Variants in PDE3A observed in about 807,000 individuals in gnomAD.
PDE3A encodes the protein phosphodiesterase 3A.
A neutral mutation model predicts 98.3 loss-of-function variants in PDE3A; 43 were observed. That is an observed-to-expected ratio of 0.44 (90% confidence interval 0.34 to 0.56). The LOEUF (loss-of-function observed/expected upper bound fraction) is 0.56, where lower values mean the gene tolerates loss of function less well. Among genes scored for constraint, PDE3A ranks in the 20% least tolerant of loss-of-function variants. The probability of loss-of-function intolerance (pLI) is 0.01; values close to 1 mark genes in which losing one functional copy is unlikely to be tolerated. For synonymous variants in PDE3A, 663 were observed against 567.9 expected (o/e 1.17, Z -2.38); for missense variants, 1,427 against 1,440.7 (o/e 0.99, Z 0.15).
chr12:20,568,976 T>C (rs1009634544), intron 2 of PDE3A, among the ~76,000 whole-genome samples: 15 of 152,142 alleles, frequency 9.9e-5, no homozygotes, highest in Admixed American at 7.2e-4. Context: ...GTAATAACTA[T>C]TTTAATACCA....
intron 2 of PDE3A, among the ~76,000 whole-genome samples, chr12:20,605,444 T>A (rs1425199158): frequency 2.0e-5 from 3 of 152,316 alleles, no homozygotes; most frequent in East Asian, 1.9e-4. Flanking sequence ...AATCTTTTTT[T>A]AAATGTAAAA....
At position 20,538,242 on chromosome 12, in the gene PDE3A, AT is replaced by A. The variant is rs376842955; in HGVS notation, c.961-18413del. 2.6e-4 allele frequency among the ~76,000 whole-genome samples: 39 copies of A among 152,176 alleles called. 1 individual carries two copies. In the South Asian group the frequency reaches 7.9e-3, roughly 31 times the overall value. On this transcript the variant is annotated intron_variant, in intron 1 of 15. Transcript: ENST00000359062. Reference sequence around the variant, plus strand: ...TGCTCAAATAGAGCTTAATGGTGACATTTTTATGGCTTCAGGATGTTGGGGT... The same window carrying A: ...TGCTCAAATAGAGCTTAATGGTGACATTTTATGGCTTCAGGATGTTGGGGT...
At chr12:20,394,612 A>G (rs939589404) in intron 1 of PDE3A, among the ~76,000 whole-genome samples, 1 of 152,124 alleles carries the variant, frequency 6.6e-6, no homozygotes, top group African/African-American at 2.4e-5. Flanking sequence ...CAGATGCTAC[A>G]TATTCTTCTC....
At chr12:20,515,168 C>T (rs184598041) in intron 1 of PDE3A, among the ~76,000 whole-genome samples, 16 of 152,270 alleles carry the variant, frequency 1.1e-4, no homozygotes, top group African/African-American at 2.6e-4. Flanking sequence ...TAAATTTCAA[C>T]GTAAGTTTGA....
chr12:20,455,944 A>G (rs936225660), intron 1 of PDE3A, among the ~76,000 whole-genome samples: 1 of 152,180 alleles, frequency 6.6e-6, no homozygotes, highest in Non-Finnish European at 1.5e-5. Flanking sequence ...ATTCCTATCA[A>G]TGTAACATAC....
At chr12:20,426,431 C>T (rs752804117) in intron 1 of PDE3A, among the ~76,000 whole-genome samples, 1 of 152,048 alleles carries the variant, frequency 6.6e-6, no homozygotes, top group Non-Finnish European at 1.5e-5. Context: ...TAAGAGTGTC[C>T]ACATCATGGG....
intron 1 of PDE3A, among the ~76,000 whole-genome samples, chr12:20,393,310 CAGAG>C (rs1241925723): frequency 1.3e-5 from 2 of 151,854 alleles, no homozygotes; most frequent in Non-Finnish European, 2.9e-5. Context: ...CAAGCAAAGA[CAGAG>C]AGCCAAGAGA....
At position 20,369,665 on chromosome 12, in the gene PDE3A, C is replaced by A. The variant is rs369350891; in HGVS notation, c.381C>A (p.Ser127Arg). The change falls in exon 1 of 16, where the codon AGC (serine) becomes AGA (arginine). Residue 127 changes from serine (S) to arginine (R), a missense_variant. Ser to Arg is a moderately radical substitution (Grantham distance 110, BLOSUM62 -1). Transcript: ENST00000359062. ...GGAPGGGARLSPWLQPSALLF... is the reference protein window; with the variant it reads ...GGAPGGGARLRPWLQPSALLF... The stretch of plus-strand genomic sequence containing the variant: ...CTCCCGGGGGCGGTGCGCGGCTCAG[C>A]CCCTGGCTGCAGCCCTCGGCGCTGC... The A allele has an allele frequency of 1.2e-6, 2 of 1,606,252 alleles. No individual in the cohort carries two copies. The highest frequency in any genetic ancestry group is 2.2e-5 in the East Asian group (1 of 44,598).
At chr12:20,635,393 AC>A (rs1293539305) in intron 8 of PDE3A, among the ~76,000 whole-genome samples, 2 of 152,058 alleles carry the variant, frequency 1.3e-5, no homozygotes, top group Non-Finnish European at 2.9e-5. Context: ...ACATGGTGAA[AC>A]CCCGTCTCTA....
At chr12:20,517,311 G>T (rs1016696350) in intron 1 of PDE3A, among the ~76,000 whole-genome samples, 1 of 152,146 alleles carries the variant, frequency 6.6e-6, no homozygotes, top group African/African-American at 2.4e-5. Context: ...ACATAGCCCT[G>T]GTTCTTGACC....
intron 2 of PDE3A, among the ~76,000 whole-genome samples, chr12:20,571,430 G>A (rs1013328956): frequency 2.0e-5 from 3 of 152,038 alleles, no homozygotes; most frequent in Non-Finnish European, 4.4e-5. Flanking sequence ...GACCCCCCTG[G>A]AGTTGTGCAG....
intron 1 of PDE3A, among the ~76,000 whole-genome samples, chr12:20,442,715 G>C (rs570942000): frequency 1.3e-5 from 2 of 152,340 alleles, no homozygotes; most frequent in Admixed American, 1.3e-4. Flanking sequence ...AAATGTAGCA[G>C]TTTGGAAGTG....
intron 1 of PDE3A, among the ~76,000 whole-genome samples, chr12:20,544,485 GA>G (rs146431531): frequency 0.033 from 5,040 of 151,872 alleles, 281 homozygotes; most frequent in African/African-American, 0.12. Flanking sequence ...GGATTCTGGA[GA>G]AATAAACCCA....
chr12:20,609,367 G>T (rs1325787025), intron 2 of PDE3A, among the ~76,000 whole-genome samples: 1 of 151,920 alleles, frequency 6.6e-6, no homozygotes. Context: ...GGAGGTAAAA[G>T]ATTTGTACAT....
Position 20,687,928 on chromosome 12 carries a change from A to AAAG in PDE3A, c.*7659_*7660insGAA, listed in dbSNP as rs1265862938. Reference sequence around the variant, plus strand: ...TCTTCCCAACAGAAAAAAAAAAAAAAAAAAAAAAACTGGCATTGGCAAGTT... The same window carrying AAAG: ...TCTTCCCAACAGAAAAAAAAAAAAAAAAGAAAAAAAAACTGGCATTGGCAAGTT... On this transcript the variant is annotated 3_prime_UTR_variant, in exon 16 of 16. Transcript: ENST00000359062. 6.6e-6 allele frequency among the ~76,000 whole-genome samples: 1 copy of AAAG among 150,738 alleles called. No homozygotes were observed. Among genetic ancestry groups the AAAG allele is most frequent in the East Asian group, 1.9e-4 (1 of 5,162 alleles).
chr12:20,383,475 A>T (rs576560844), intron 1 of PDE3A, among the ~76,000 whole-genome samples: 44 of 152,056 alleles, frequency 2.9e-4, no homozygotes, highest in African/African-American at 9.9e-4. Flanking sequence ...ACATAAAAAT[A>T]TTCCTCAGGA....
chr12:20,422,085 G>A (rs60323098), intron 1 of PDE3A, among the ~76,000 whole-genome samples: 2,492 of 152,256 alleles, frequency 0.016, 64 homozygotes, highest in African/African-American at 0.055. Flanking sequence ...AATGGCTCAC[G>A]CCTGTAATCC....
chr12:20,673,471 C>A (rs1223798645), intron 15 of PDE3A, among the ~76,000 whole-genome samples: 6 of 139,236 alleles, frequency 4.3e-5, no homozygotes, highest in African/African-American at 1.6e-4. Flanking sequence ...CAATGATAGA[C>A]TGGATTAAGA....
intron 10 of PDE3A, among the ~76,000 whole-genome samples, chr12:20,643,886 G>A (rs964039125): frequency 2.0e-5 from 3 of 151,944 alleles, no homozygotes; most frequent in African/African-American, 7.3e-5. Flanking sequence ...CTTGGGGTGG[G>A]GGACAGGGTG....
Sources: gnomAD v4.1 joint callset for allele counts (sites outside exome capture counted in the v4.1 genomes callset) on GRCh38, gnomAD v4.1.1 for gene constraint, MANE v1.5 for transcripts, NCBI Gene and HGNC (gene_info 2026-07-23, HGNC 2026-07-21) for gene names.